The following IL27RA variants were observed in gnomAD, a reference collection of about 807,000 sequenced individuals.
IL27RA encodes interleukin 27 receptor subunit alpha.
Under a neutral mutation model 80.8 loss-of-function variants are expected in IL27RA, and 61 were observed. The ratio of observed to expected loss-of-function variants is 0.76; its 90% CI spans 0.61 to 0.93. The LOEUF (loss-of-function observed/expected upper bound fraction) is 0.93, where lower values mean the gene tolerates loss of function less well. Ranked by LOEUF, IL27RA falls within the 40% of genes least tolerant of loss-of-function variation. The pLI is 0.00. For synonymous variants in IL27RA, 316 were observed against 332.5 expected (o/e 0.95, Z 0.54); for missense variants, 735 against 808.1 (o/e 0.91, Z 1.10).
intron 6 of IL27RA, among the ~76,000 whole-genome samples, chr19:14,044,340 A>C (rs1373835271): frequency 6.6e-6 from 1 of 151,558 alleles, no homozygotes; most frequent in Non-Finnish European, 1.5e-5. Context: ...CCTGGGTTCA[A>C]GCGATTCTCC....
In IL27RA at chr19:14,042,823, C is replaced by T. The variant is rs777293079; in HGVS notation, c.768+34C>T. 25 of 1,572,350 alleles carry T rather than the reference C, an allele frequency of 1.6e-5. No individual in the cohort carries two copies. In the African/African-American group the frequency reaches 1.8e-4, roughly 11 times the overall value. On this transcript the variant is annotated intron_variant, in intron 6 of 13. Transcript: ENST00000263379. ...CAGGCACCAGTTACATTTCTCTGCA[C>T]GTGTTAGGAAACCCCTAAATAACAA...
intron 10 of IL27RA, among the ~76,000 whole-genome samples, chr19:14,050,349 AAAATT>A (rs1466051050): frequency 1.3e-5 from 2 of 151,978 alleles, no homozygotes; most frequent in Non-Finnish European, 1.5e-5. Context: ...TAAAAATATA[AAAATT>A]AGCCAGATGT....
intron 4 of IL27RA, 130 bp from the exon 5 acceptor site, chr19:14,042,323 A>C (rs1599299998): frequency 1.1e-6 from 1 of 932,080 alleles, no homozygotes; most frequent in Non-Finnish European, 1.6e-6. Flanking sequence ...CCAAGATCAC[A>C]CCACTGCACT....
Position 14,052,120 on chromosome 19 carries a change from G to A in IL27RA, c.1741G>A (p.Gly581Arg). The A allele has an allele frequency of 6.2e-7, 1 of 1,613,402 alleles. No individual in the cohort carries two copies. The highest frequency in any genetic ancestry group is 8.5e-7 in the Non-Finnish European group (1 of 1,179,810). Reference protein sequence around the residue: ...MEQVPEAQPLGDLPILEVEEM... With the variant: ...MEQVPEAQPLRDLPILEVEEM... ...GCAAGTACCTGAGGCCCAGCCCCTT[G>A]GGGACTTGCCCATCCTGGAAGTGGA... Residue 581 changes from glycine to arginine, a missense_variant, in exon 14 of 14, where the codon GGG becomes AGG. Coordinates refer to ENST00000263379, the MANE Select transcript of IL27RA (RefSeq NM_004843.4).
chr19:14,038,019 CG>C (rs1290999047), intron 2 of IL27RA, among the ~76,000 whole-genome samples: 82 of 151,726 alleles, frequency 5.4e-4, no homozygotes, highest in South Asian at 4.2e-4. Flanking sequence ...TTAGTAGAGA[CG>C]GGGGTTTCAC....
At chr19:14,033,399 G>C (rs531772022) in intron 2 of IL27RA, among the ~76,000 whole-genome samples, 4 of 151,110 alleles carry the variant, frequency 2.6e-5, no homozygotes, top group Admixed American at 6.6e-5. Context: ...GTGCCTGGCC[G>C]AGAGCCCGTC....
chr19:14,044,446 G>C (rs898102892), intron 6 of IL27RA, among the ~76,000 whole-genome samples: 4 of 151,920 alleles, frequency 2.6e-5, no homozygotes, highest in Non-Finnish European at 2.9e-5. Flanking sequence ...CACCATGTTG[G>C]CCAGGCTGGT....
intron 10 of IL27RA, among the ~76,000 whole-genome samples, chr19:14,050,068 G>A (rs1316149902): frequency 2.0e-5 from 3 of 151,910 alleles, no homozygotes; most frequent in Non-Finnish European, 4.4e-5. Flanking sequence ...ACAGCCTGTA[G>A]TCCAGCTACT....
intron 7 of IL27RA, 39 bp from the exon 8 acceptor site, chr19:14,046,391 T>A (rs1378624048): frequency 6.2e-7 from 1 of 1,613,956 alleles, no homozygotes; most frequent in African/African-American, 1.3e-5. Flanking sequence ...GGGAAGTGAC[T>A]TCCTGAGTGG....
chr19:14,051,047 G>A (rs971756764), intron 11 of IL27RA, among the ~76,000 whole-genome samples, 164 bp downstream of exon 11: 3 of 152,048 alleles, frequency 2.0e-5, no homozygotes, highest in African/African-American at 7.2e-5. Flanking sequence ...CCAGGAGCTC[G>A]AGACCAGCCT....
chr19:14,039,490 C>A lies in IL27RA; in HGVS notation c.219-18C>A. 6.2e-7 allele frequency: 1 copy of A among 1,602,602 alleles called. No homozygotes were observed. The highest frequency in any genetic ancestry group is 1.1e-5 in the South Asian group (1 of 89,468). On this transcript the variant is annotated intron_variant, in intron 2 of 13. Coordinates refer to ENST00000263379, the MANE Select transcript of IL27RA (RefSeq NM_004843.4). ...CTCTAGCCGAGTGTGCATCTCATCC[C>A]CGCCTCTCTCCTCACAGCCGTTCCA... is the stretch of plus-strand genomic sequence containing the variant.
At chr19:14,051,414 G>C (rs945326596) in intron 11 of IL27RA, among the ~76,000 whole-genome samples, 193 bp from the exon 12 acceptor site, 1 of 151,282 alleles carries the variant, frequency 6.6e-6, no homozygotes, top group Non-Finnish European at 1.5e-5. Flanking sequence ...GCGTGGTGGC[G>C]TGCGGCTGTA....
In IL27RA at chr19:14,049,164, G is replaced by A; in HGVS notation, c.1252G>A (p.Val418Met). 1.9e-6 allele frequency: 3 copies of A among 1,613,936 alleles called. No homozygotes were observed. Among genetic ancestry groups the A allele is most frequent in the Non-Finnish European group, 2.5e-6 (3 of 1,179,880 alleles). Residue 418 changes from valine (V) to methionine (M), a missense_variant, in exon 10 of 14, where the codon GTG becomes ATG. Val to Met is a conservative substitution (Grantham distance 21, BLOSUM62 1). Coordinates refer to ENST00000263379, the MANE Select transcript of IL27RA (RefSeq NM_004843.4). ...WGFREELAPL[V>M]GPTLWRLQDA... ...ACTGCCTTCCTCCCCAGCACCCCTAGTGGGGCCAACGCTTTGGCGACTCCA... is the reference window on the plus strand; with the variant it reads ...ACTGCCTTCCTCCCCAGCACCCCTAATGGGGCCAACGCTTTGGCGACTCCA...
intron 4 of IL27RA, among the ~76,000 whole-genome samples, chr19:14,042,076 G>A (rs1310938648): frequency 6.6e-6 from 1 of 152,040 alleles, no homozygotes; most frequent in African/African-American, 2.4e-5. Flanking sequence ...GCGCGTGCCT[G>A]TAATCCCAGC....
rs143619100 is a variant in IL27RA, at chr19:14,045,762, C to T, written c.769-392C>T. Among the ~76,000 whole-genome samples, 511 of 151,316 alleles carry T rather than the reference C, an allele frequency of 3.4e-3. 7 individuals are homozygous for T. Among genetic ancestry groups the T allele is most frequent in the African/African-American group, 0.012 (489 of 40,730 alleles). On this transcript the variant is annotated intron_variant, in intron 6 of 13. Coordinates refer to ENST00000263379, the MANE Select transcript of IL27RA (RefSeq NM_004843.4). ...GCACCTGGCCAGGTTTGCTGACTCA[C>T]GCCTGTAATCCTAGCACTTTGGGAG...
In IL27RA at chr19:14,050,844, C is replaced by T. The variant is rs1009767187; in HGVS notation, c.1489C>T (p.Gln497Ter). Reference sequence around the variant, plus strand: ...GGTGACAGCATCTACCATCGCTGGACAGGGCCCTCCTGGTCCCATCCTCCG... The same window carrying T: ...GGTGACAGCATCTACCATCGCTGGATAGGGCCCTCCTGGTCCCATCCTCCG... ...LWVTASTIAG[Q>*]GPPGPILRLH... Residue 497 changes from glutamine to a stop codon, truncating the protein, a stop_gained, in exon 11 of 14, where the codon CAG (glutamine) becomes TAG (stop). Transcript: ENST00000263379. LOFTEE classifies it high-confidence loss of function. The T allele has an allele frequency of 6.2e-7, 1 of 1,613,054 alleles. No homozygotes were observed. Among genetic ancestry groups the T allele is most frequent in the African/African-American group, 1.3e-5 (1 of 74,894 alleles).
intron 4 of IL27RA, among the ~76,000 whole-genome samples, chr19:14,040,618 C>G (rs867517391): frequency 6.6e-6 from 1 of 151,796 alleles, no homozygotes; most frequent in Non-Finnish European, 1.5e-5. Context: ...GTCAGGAGTT[C>G]GGGACCAGCC....
chr19:14,052,094 A>C lies in IL27RA; in HGVS notation c.1717-2A>C. ...CAGGATTACAGGCTCATCTCTTCCC[A>C]GCAAGTACCTGAGGCCCAGCCCCTT... On this transcript the variant is annotated splice_acceptor_variant, in intron 13 of 13. Transcript: ENST00000263379. LOFTEE classifies it high-confidence loss of function. 1 of 1,612,550 alleles carries C rather than the reference A, an allele frequency of 6.2e-7. No individual in the cohort carries two copies. The highest frequency in any genetic ancestry group is 8.5e-7 in the Non-Finnish European group (1 of 1,179,522).
chr19:14,038,176 C>T (rs1322200302), intron 2 of IL27RA, among the ~76,000 whole-genome samples: 1 of 151,076 alleles, frequency 6.6e-6, no homozygotes, highest in Non-Finnish European at 1.5e-5. Flanking sequence ...GTTTTTGAGA[C>T]AGGGTCTTAT....
Sources: gnomAD v4.1 joint callset for allele counts (sites outside exome capture counted in the v4.1 genomes callset) on GRCh38, gnomAD v4.1.1 for gene constraint, MANE v1.5 for transcripts, NCBI Gene and HGNC (gene_info 2026-07-23, HGNC 2026-07-21) for gene names.